The following IMMP2L variants were observed in gnomAD, a reference collection of about 807,000 sequenced individuals.
IMMP2L encodes inner mitochondrial membrane peptidase subunit 2, also known as mitochondrial inner membrane protease subunit 2.
Under a neutral mutation model 19.3 loss-of-function variants are expected in IMMP2L, and 18 were observed. That is an observed-to-expected ratio of 0.93 (90% CI 0.64 to 1.38). The LOEUF is 1.38. Ranked by LOEUF, IMMP2L falls within the 40% of genes most tolerant of loss-of-function variation. IMMP2L has a pLI of 0.00. For missense variants in IMMP2L, 233 were observed against 218.2 expected (o/e 1.07, Z -0.43); for synonymous variants, 76 against 73.0 (o/e 1.04, Z -0.21).
chr7:110,747,174 C>A (rs1584704316), intron 5 of IMMP2L, among the ~76,000 whole-genome samples: 1 of 152,154 alleles, frequency 6.6e-6, no homozygotes, highest in South Asian at 2.1e-4. Context: ...TTCCTGGACA[C>A]ATACACCCTC....
intron 4 of IMMP2L, among the ~76,000 whole-genome samples, chr7:110,929,724 G>T (rs1379588920): frequency 6.6e-6 from 1 of 152,152 alleles, no homozygotes; most frequent in Admixed American, 6.5e-5. Flanking sequence ...AATCTGCAAA[G>T]CTAAATAACT....
chr7:111,270,685 T>G (rs1167118323), intron 3 of IMMP2L, among the ~76,000 whole-genome samples: 1 of 152,134 alleles, frequency 6.6e-6, no homozygotes, highest in African/African-American at 2.4e-5. Flanking sequence ...TCAAAGTAAT[T>G]TCTACATGAT....
intron 5 of IMMP2L, among the ~76,000 whole-genome samples, chr7:110,795,194 G>A (rs1000794245): frequency 1.3e-5 from 2 of 151,978 alleles, no homozygotes; most frequent in Non-Finnish European, 2.9e-5. Context: ...TTAAGATTAT[G>A]GCTGAGTTCC....
At chr7:111,539,479 TTTAG>T (rs1848329615) in intron 1 of IMMP2L, among the ~76,000 whole-genome samples, 1 of 151,980 alleles carries the variant, frequency 6.6e-6, no homozygotes, top group African/African-American at 2.4e-5. Flanking sequence ...TTAGGAAGTG[TTTAG>T]TTAGATTTTC....
intron 3 of IMMP2L, among the ~76,000 whole-genome samples, chr7:111,291,718 G>C (rs1268669590): frequency 6.6e-6 from 1 of 152,046 alleles, no homozygotes; most frequent in Non-Finnish European, 1.5e-5. Context: ...ATAATGCATT[G>C]CATATTTCAA....
chr7:111,356,003 T>C (rs1164160432), intron 3 of IMMP2L, among the ~76,000 whole-genome samples: 2 of 152,028 alleles, frequency 1.3e-5, no homozygotes, highest in African/African-American at 4.8e-5. Context: ...TTAAGCGACA[T>C]GGGGTTCCAC....
At position 111,069,399 on chromosome 7, in the gene IMMP2L, C is replaced by T. The variant is rs543691362; in HGVS notation, c.240-105834G>A. On this transcript the variant is annotated intron_variant, in intron 3 of 5. Transcript: ENST00000405709. ...GGAATAGTAATGAACTAATCTATAACAATAGGACATAAAGAGAACTGAAAC... is the reference window on the plus strand; with the variant it reads ...GGAATAGTAATGAACTAATCTATAATAATAGGACATAAAGAGAACTGAAAC... Among the ~76,000 whole-genome samples, 5 of 152,234 alleles carry T rather than the reference C, an allele frequency of 3.3e-5. No individual in the cohort carries two copies. In the South Asian group the frequency reaches 8.3e-4, roughly 25 times the overall value.
In IMMP2L at chr7:111,239,558, T is replaced by C. The variant is rs1423203107; in HGVS notation, c.239+247680A>G. 2.6e-5 allele frequency among the ~76,000 whole-genome samples: 4 copies of C among 151,960 alleles called. No individual in the cohort carries two copies. In the East Asian group the frequency reaches 7.7e-4, roughly 29 times the overall value. On this transcript the variant is annotated intron_variant, in intron 3 of 5. Coordinates refer to ENST00000405709, the MANE Select transcript of IMMP2L (RefSeq NM_032549.4). ...GCAAGGGTTCTTAATTTAGGTCTAG[T>C]TGATTATGATAGAAAACAGACAACC...
At chr7:110,752,207 A>G (rs778499392) in intron 5 of IMMP2L, among the ~76,000 whole-genome samples, 5 of 152,034 alleles carry the variant, frequency 3.3e-5, no homozygotes, top group Non-Finnish European at 7.4e-5. Flanking sequence ...ACAAAGCATT[A>G]TATAGGATAT....
chr7:110,854,723 T>C (rs1332570194), intron 5 of IMMP2L, among the ~76,000 whole-genome samples: 2 of 151,938 alleles, frequency 1.3e-5, no homozygotes, highest in African/African-American at 4.8e-5. Flanking sequence ...TTTCATTCAA[T>C]AATCAGACCT....
chr7:111,443,769 G>A (rs1028828681), intron 3 of IMMP2L, among the ~76,000 whole-genome samples: 1 of 151,964 alleles, frequency 6.6e-6, no homozygotes, highest in African/African-American at 2.4e-5. Flanking sequence ...TTAAATGTGG[G>A]GATCACTAAG....
At chr7:111,243,141 G>A (rs546786199) in intron 3 of IMMP2L, among the ~76,000 whole-genome samples, 1 of 152,172 alleles carries the variant, frequency 6.6e-6, no homozygotes, top group South Asian at 2.1e-4. Context: ...AGAAACAACA[G>A]GAATTTTTAA....
chr7:111,008,666 T>C (rs1824577505), intron 3 of IMMP2L, among the ~76,000 whole-genome samples: 2 of 151,926 alleles, frequency 1.3e-5, no homozygotes, highest in South Asian at 4.2e-4. Flanking sequence ...AAATCTGTAA[T>C]TTTCATGCTG....
chr7:111,531,037 C>T (rs1239900320), intron 1 of IMMP2L, among the ~76,000 whole-genome samples: 3 of 151,476 alleles, frequency 2.0e-5, no homozygotes, highest in African/African-American at 4.9e-5. Context: ...CTGCAAGCTC[C>T]GCCTCCCGGG....
At chr7:111,389,735 A>C (rs538317976) in intron 3 of IMMP2L, among the ~76,000 whole-genome samples, 1 of 152,228 alleles carries the variant, frequency 6.6e-6, no homozygotes, top group Admixed American at 6.5e-5. Flanking sequence ...ATTAAAAAAC[A>C]AAGACATGTT....
intron 1 of IMMP2L, among the ~76,000 whole-genome samples, chr7:111,555,031 C>T (rs990490697): frequency 2.6e-5 from 4 of 152,120 alleles, no homozygotes; most frequent in African/African-American, 9.7e-5. Flanking sequence ...ACTAGCTTAG[C>T]GCTCCAATAA....
intron 3 of IMMP2L, among the ~76,000 whole-genome samples, chr7:111,106,459 A>G (rs1348371765): frequency 1.3e-5 from 2 of 151,860 alleles, no homozygotes; most frequent in Non-Finnish European, 2.9e-5. Context: ...AAACAGTCCA[A>G]TTAAAAACAA....
chr7:111,290,857 C>T lies in IMMP2L; in HGVS notation c.239+196381G>A, dbSNP rs186253216. Among the ~76,000 whole-genome samples the T allele has an allele frequency of 7.3e-3, 1,080 of 148,620 alleles. 5 individuals carry two copies. Among genetic ancestry groups the T allele is most frequent in the African/African-American group, 0.01 (412 of 40,118 alleles). ...ACACACACACACACACACACACACA[C>T]ATATATATATATCTAATTTTCTATC... On this transcript the variant is annotated intron_variant, in intron 3 of 5. Coordinates refer to ENST00000405709, the MANE Select transcript of IMMP2L (RefSeq NM_032549.4).
intron 5 of IMMP2L, among the ~76,000 whole-genome samples, chr7:110,840,774 C>T (rs1032200244): frequency 6.6e-6 from 1 of 152,024 alleles, no homozygotes; most frequent in Admixed American, 6.6e-5. Context: ...CATATATACT[C>T]ATTTTATGAA....
Sources: allele counts gnomAD v4.1 joint callset (sites outside exome capture counted in the v4.1 genomes callset), GRCh38; gene constraint gnomAD v4.1.1; transcripts MANE v1.5; gene names NCBI Gene and HGNC (gene_info 2026-07-23, HGNC 2026-07-21).